C18orf63: variants seen among roughly 807,000 people sequenced by gnomAD.
C18orf63 encodes the protein uncharacterized protein C18orf63.
Under a neutral mutation model 75.3 loss-of-function variants are expected in C18orf63, and 50 were observed. That is an observed-to-expected ratio of 0.66 (90% CI 0.53 to 0.84). C18orf63 has a LOEUF of 0.84. Ranked by LOEUF, C18orf63 falls within the 40% of genes least tolerant of loss-of-function variation. The probability of loss-of-function intolerance (pLI) is 0.00; values close to 1 mark genes in which losing one functional copy is unlikely to be tolerated. For missense variants in C18orf63, 732 were observed against 800.2 expected (o/e 0.91, Z 1.03); for synonymous variants, 232 against 267.6 (o/e 0.87, Z 1.30).
At position 74,354,488 on chromosome 18, in the gene C18orf63, A is replaced by G; in HGVS notation, c.2033A>G (p.Lys678Arg). 1 of 1,465,948 alleles carries G rather than the reference A, an allele frequency of 6.8e-7. No individual in the cohort carries two copies. The highest frequency in any genetic ancestry group is 9.2e-7 in the Non-Finnish European group (1 of 1,085,780). The allele number at this position is 1,465,948 out of a possible 1,614,324, so 90.8% of individuals were successfully genotyped here. A position where few individuals can be genotyped will look rare whatever the true frequency, so the allele number is the denominator to read the frequency against. ...ILDSDKSKLK[K>R]SLIIHNA Reference sequence around the variant, plus strand: ...GACTCGGATAAATCAAAACTTAAGAAATCTCTCATCATTCATAATGCTTAG... The same window carrying G: ...GACTCGGATAAATCAAAACTTAAGAGATCTCTCATCATTCATAATGCTTAG... The change falls in exon 13 of 14, where the codon AAA (lysine) becomes AGA (arginine). Residue 678 changes from lysine (K) to arginine (R), a missense_variant. Lys to Arg is a conservative substitution (Grantham distance 26). Around this residue, in one of 3 missense-constraint regions of C18orf63, gnomAD observed 495 missense variants for 508.7 expected, o/e 0.97. Coordinates refer to ENST00000579455, the MANE Select transcript of C18orf63 (RefSeq NM_001174123.2).
intron 11 of C18orf63, among the ~76,000 whole-genome samples, chr18:74,352,880 A>ATGG (rs1205784940): frequency 1.1e-4 from 17 of 152,194 alleles, no homozygotes; most frequent in Non-Finnish European, 2.4e-4. Flanking sequence ...GATGGGTGGG[A>ATGG]GAAGGTGGGA....
At position 74,354,558 on chromosome 18, in the gene C18orf63, G is replaced by A; in HGVS notation, c.*33+12G>A. ...GAAATGTCTACCAGGTAACTGAAGT[G>A]ATAGCTTTTGATTTGTTTTTACATT... On this transcript the variant is annotated intron_variant, in intron 13 of 13. Transcript: ENST00000579455. 2 of 1,197,420 alleles carry A rather than the reference G, an allele frequency of 1.7e-6. No individual in the cohort carries two copies. The highest frequency in any genetic ancestry group is 2.5e-5 in the East Asian group (1 of 39,362). The allele number at this position is 1,197,420 out of a possible 1,614,324, so 74.2% of individuals were successfully genotyped here. A position where few individuals can be genotyped will look rare whatever the true frequency, so the allele number is the denominator to read the frequency against.
At chr18:74,349,186 T>C (rs1984624268) in intron 11 of C18orf63, among the ~76,000 whole-genome samples, 1 of 152,252 alleles carries the variant, frequency 6.6e-6, no homozygotes, top group Non-Finnish European at 1.5e-5. Flanking sequence ...TTTTAATTCT[T>C]TAACTTTTTT....
At chr18:74,317,229 T>C (rs1984041651) in intron 1 of C18orf63, among the ~76,000 whole-genome samples, 1 of 152,268 alleles carries the variant, frequency 6.6e-6, no homozygotes, top group East Asian at 1.9e-4. Flanking sequence ...TTTACTTTTA[T>C]ATTCCAGTTT....
chr18:74,342,258 A>G lies in C18orf63; in HGVS notation c.726A>G (p.Pro242=). ...HWDALYGYKL[P]GDCGKIKIYC... is the part of the protein sequence containing the mutation. ...ATTTTTAGTATGGCTATAAACTTCC[A>G]GGTGATTGTGGAAAAATTAAAATAT... The change falls in exon 10 of 14, where the codon CCA becomes CCG. Residue 242 remains proline, a synonymous_variant. Coordinates refer to ENST00000579455, the MANE Select transcript of C18orf63 (RefSeq NM_001174123.2). The G allele has an allele frequency of 6.5e-7, 1 of 1,530,606 alleles. No homozygotes were observed. The highest frequency in any genetic ancestry group is 1.2e-5 in the South Asian group (1 of 83,948). The allele number at this position is 1,530,606 out of a possible 1,614,324, so 94.8% of individuals were successfully genotyped here. A position where few individuals can be genotyped will look rare whatever the true frequency, so the allele number is the denominator to read the frequency against.
chr18:74,321,393 C>T (rs1984119037), intron 3 of C18orf63, among the ~76,000 whole-genome samples: 1 of 151,934 alleles, frequency 6.6e-6, no homozygotes, highest in African/African-American at 2.4e-5. Flanking sequence ...CTACTTCCAC[C>T]TCCCAGGCTC....
At chr18:74,344,253 C>T (rs1170806944) in intron 11 of C18orf63, among the ~76,000 whole-genome samples, 1 of 152,122 alleles carries the variant, frequency 6.6e-6, no homozygotes, top group Non-Finnish European at 1.5e-5. Context: ...GCCTACATCT[C>T]AGAGTTTGTC....
chr18:74,319,043 C>T (rs1984074746), intron 2 of C18orf63, among the ~76,000 whole-genome samples: 1 of 152,160 alleles, frequency 6.6e-6, no homozygotes, highest in South Asian at 2.1e-4. Context: ...TTCTTCTCTC[C>T]ATTGCATATT....
chr18:74,358,409 T>C lies in C18orf63; in HGVS notation c.*1962T>C, dbSNP rs1984807497. ...TTAATATAGATAGGTATATAGATTG[T>C]TGATTTCATATTTCATGTTCCAAGA... On this transcript the variant is annotated 3_prime_UTR_variant, in exon 14 of 14. Coordinates refer to ENST00000579455, the MANE Select transcript of C18orf63 (RefSeq NM_001174123.2). 2 of 152,192 alleles carry C rather than the reference T, an allele frequency of 1.3e-5. No individual in the cohort carries two copies. Among genetic ancestry groups the C allele is most frequent in the Admixed American group, 6.5e-5 (1 of 15,284 alleles). The allele number at this position is 152,192 out of a possible 1,614,324, so 9.4% of individuals were successfully genotyped here. A position where few individuals can be genotyped will look rare whatever the true frequency, so the allele number is the denominator to read the frequency against.
rs539917151 is a variant in C18orf63, at chr18:74,358,254, A to G, written c.*1807A>G. 9 of 149,802 alleles carry G rather than the reference A, an allele frequency of 6.0e-5. No individual in the cohort carries two copies. The South Asian group carries it at 6.4e-4, about 11-fold the overall frequency. The allele number at this position is 149,802 out of a possible 1,614,324, so 9.3% of individuals were successfully genotyped here. On this transcript the variant is annotated 3_prime_UTR_variant, in exon 14 of 14. Coordinates refer to ENST00000579455, the MANE Select transcript of C18orf63 (RefSeq NM_001174123.2). ...TAGTATAGTACTTGAGTTTAGATCA[A>G]TGTTAACCTACATGGCAAAACCTGC...
chr18:74,320,469 C>G (rs564475936), intron 2 of C18orf63, 44 bp from the exon 3 acceptor site: 2 of 1,372,272 alleles, frequency 1.5e-6, no homozygotes, highest in South Asian at 2.6e-5. Flanking sequence ...GGACACAGAA[C>G]CAAACCATAC....
chr18:74,353,485 A>G lies in C18orf63; in HGVS notation c.1218A>G (p.Val406=). 1 of 1,536,528 alleles carries G rather than the reference A, an allele frequency of 6.5e-7. No homozygotes were observed. Among genetic ancestry groups the G allele is most frequent in the Non-Finnish European group, 8.7e-7 (1 of 1,146,990 alleles). ...KKSLSIRAPQ[V]HSEVLMPNRG... ...CCCTGTCTATCAGGGCTCCACAAGTACATTCAGAAGTATTAATGCCCAACA... is the reference window on the plus strand; with the variant it reads ...CCCTGTCTATCAGGGCTCCACAAGTGCATTCAGAAGTATTAATGCCCAACA... The change falls in exon 12 of 14, where the codon GTA becomes GTG. Residue 406 remains valine, a synonymous_variant. Coordinates refer to ENST00000579455, the MANE Select transcript of C18orf63 (RefSeq NM_001174123.2).
chr18:74,323,875 T>G (rs1336548557), intron 4 of C18orf63, among the ~76,000 whole-genome samples: 3 of 152,192 alleles, frequency 2.0e-5, no homozygotes, highest in African/African-American at 7.2e-5. Flanking sequence ...ACATCCCAAA[T>G]ATGCACACAT....
intron 4 of C18orf63, among the ~76,000 whole-genome samples, chr18:74,324,116 C>T (rs964273120): frequency 6.6e-6 from 1 of 152,172 alleles, no homozygotes; most frequent in Non-Finnish European, 1.5e-5. Flanking sequence ...GTAAAGTATA[C>T]AATAATCATA....
chr18:74,343,706 A>G lies in C18orf63; in HGVS notation c.978+4A>G, dbSNP rs1984526051. On this transcript the variant is annotated splice_donor_region_variant and intron_variant, in intron 11 of 13. Coordinates refer to ENST00000579455, the MANE Select transcript of C18orf63 (RefSeq NM_001174123.2). ...ACTAACTAAACCTAATATACAGGTA[A>G]GAGATCTCTTGTCCTATCTAGTTCT... 4.7e-6 allele frequency: 7 copies of G among 1,493,934 alleles called. No individual in the cohort carries two copies. Among genetic ancestry groups the G allele is most frequent in the Middle Eastern group, 2.0e-4 (1 of 5,088 alleles). 92.5% of individuals were successfully genotyped at this position (1,493,934 alleles called of 1,614,324 possible). A position where few individuals can be genotyped will look rare whatever the true frequency, so the allele number is the denominator to read the frequency against.
intron 4 of C18orf63, among the ~76,000 whole-genome samples, chr18:74,325,023 A>G (rs1215248981): frequency 6.6e-6 from 1 of 152,176 alleles, no homozygotes; most frequent in East Asian, 1.9e-4. Context: ...GAACATCTGT[A>G]ACATGTCAAG....
chr18:74,323,242 A>G (rs1437187408), intron 4 of C18orf63, among the ~76,000 whole-genome samples: 2 of 152,196 alleles, frequency 1.3e-5, no homozygotes, highest in African/African-American at 2.4e-5. Context: ...ATGCCTCTGC[A>G]TGTAACTCTG....
rs1202632209 is a variant in C18orf63, at chr18:74,357,693, A to G, written c.*1246A>G. 6.6e-6 allele frequency: 1 copy of G among 152,168 alleles called. No individual in the cohort carries two copies. The highest frequency in any genetic ancestry group is 1.5e-5 in the Non-Finnish European group (1 of 68,036). 9.4% of individuals were successfully genotyped at this position (152,168 alleles called of 1,614,324 possible). A position where few individuals can be genotyped will look rare whatever the true frequency, so the allele number is the denominator to read the frequency against. ...GCAAAAGTAAACAAACTCTCCTTCA[A>G]ACGTTAAATGTTAACTCCTGCTCCT... is the stretch of plus-strand genomic sequence containing the variant. On this transcript the variant is annotated 3_prime_UTR_variant, in exon 14 of 14. Coordinates refer to ENST00000579455, the MANE Select transcript of C18orf63 (RefSeq NM_001174123.2).
intron 2 of C18orf63, among the ~76,000 whole-genome samples, chr18:74,319,084 C>T (rs1056763347): frequency 6.6e-6 from 1 of 152,156 alleles, no homozygotes; most frequent in East Asian, 1.9e-4. Flanking sequence ...GGAGCCTGTA[C>T]CCTTCCTGCT....
Sources: allele counts gnomAD v4.1 joint callset (sites outside exome capture counted in the v4.1 genomes callset), GRCh38; gene constraint gnomAD v4.1.1; regional missense constraint gnomAD v4.1.1; transcripts MANE v1.5; gene names NCBI Gene and HGNC (gene_info 2026-07-23, HGNC 2026-07-21).